Variants in ZFTRAF1 observed in about 807,000 individuals in gnomAD.
ZFTRAF1 encodes zinc finger TRAF-type-containing protein 1.
the ZFTRAF1 span, chr8:144,450,277 A>AAAGTGATC: frequency 1.6e-6 from 1 of 636,302 alleles, no homozygotes; most frequent in South Asian, 1.7e-5. Context: ...CTCCTTTGCT[A>AAAGTGATC]AAGTGATCAG....
the ZFTRAF1 span, chr8:144,450,365 C>T: frequency 1.4e-6 from 1 of 709,222 alleles, no homozygotes; most frequent in East Asian, 2.7e-5. Flanking sequence ...CCTCGGACAT[C>T]CTGAGGCCCC....
At chr8:144,462,367 G>T in the ZFTRAF1 span, 1 of 478,728 alleles carries the variant, frequency 2.1e-6, no homozygotes, top group East Asian at 3.8e-5. Flanking sequence ...TCCCGCTGCC[G>T]GCCGCCGCCG....
chr8:144,453,515 C>T, the ZFTRAF1 span: 8 of 1,430,244 alleles, frequency 5.6e-6, no homozygotes, highest in South Asian at 1.1e-4. Context: ...CATGCTCGCA[C>T]ACACCCGCCC....
the ZFTRAF1 span, among the ~76,000 whole-genome samples, chr8:144,459,906 A>C: frequency 6.6e-6 from 1 of 152,236 alleles, no homozygotes; most frequent in Non-Finnish European, 1.5e-5. Context: ...GGCTCGAGAC[A>C]GCCAATCAAC....
the ZFTRAF1 span, chr8:144,462,265 G>A: frequency 1.8e-6 from 1 of 557,898 alleles, no homozygotes; most frequent in Non-Finnish European, 3.2e-6. Context: ...CCGGGTCGGG[G>A]TCGGCCGGCG....
chr8:144,451,592 G>C, the ZFTRAF1 span: 2 of 153,874 alleles, frequency 1.3e-5, no homozygotes, highest in African/African-American at 4.8e-5. Context: ...CACCCTGCTT[G>C]CGCCACGCCT....
At chr8:144,461,516 T>C in the ZFTRAF1 span, among the ~76,000 whole-genome samples, 2 of 150,936 alleles carry the variant, frequency 1.3e-5, no homozygotes, top group Non-Finnish European at 2.9e-5. Context: ...GATGTGAAGA[T>C]GGGGGAGGAG....
At chr8:144,460,249 G>A in the ZFTRAF1 span, among the ~76,000 whole-genome samples, 1 of 152,220 alleles carries the variant, frequency 6.6e-6, no homozygotes, top group African/African-American at 2.4e-5. Context: ...CCACCAGCCA[G>A]GGCAGCCCCA....
the ZFTRAF1 span, chr8:144,454,166 A>G: frequency 6.6e-6 from 1 of 152,042 alleles, no homozygotes; most frequent in Non-Finnish European, 1.5e-5. Flanking sequence ...GGAGCAGGGC[A>G]CCTCCCGCTG....
chr8:144,461,460 C>G, the ZFTRAF1 span, among the ~76,000 whole-genome samples: 4 of 152,182 alleles, frequency 2.6e-5, no homozygotes, highest in Admixed American at 2.6e-4. Context: ...GGCCAGGTAC[C>G]CTAACAGCCC....
At chr8:144,453,507 T>C in the ZFTRAF1 span, 8 of 1,473,180 alleles carry the variant, frequency 5.4e-6, no homozygotes, top group Non-Finnish European at 6.4e-6. Flanking sequence ...TGCGGGCTCA[T>C]GCTCGCACAC....
chr8:144,458,213 C>A, the ZFTRAF1 span, among the ~76,000 whole-genome samples: 1 of 152,386 alleles, frequency 6.6e-6, no homozygotes, highest in African/African-American at 2.4e-5. Flanking sequence ...AAGTCCCTCA[C>A]CTGCTACTGC....
At chr8:144,450,040 G>A in the ZFTRAF1 span, 51 of 337,194 alleles carry the variant, frequency 1.5e-4, no homozygotes, top group Non-Finnish European at 2.2e-5. Flanking sequence ...CAGCACCGCC[G>A]CCTGACTGCA....
the ZFTRAF1 span, among the ~76,000 whole-genome samples, chr8:144,460,311 G>A: frequency 1.3e-5 from 2 of 152,382 alleles, no homozygotes; most frequent in South Asian, 4.1e-4. Context: ...TGGCCGCCCA[G>A]AGCAGAACTC....
At chr8:144,452,324 C>T in the ZFTRAF1 span, 3 of 1,542,580 alleles carry the variant, frequency 1.9e-6, no homozygotes, top group South Asian at 3.6e-5. Context: ...CAACCCACAC[C>T]TGTGTGGCAT....
chr8:144,452,263 G>A, the ZFTRAF1 span: 3 of 1,354,648 alleles, frequency 2.2e-6, no homozygotes, highest in South Asian at 2.5e-5. Flanking sequence ...GGCGCTGTCA[G>A]TGCCCAGTGC....
the ZFTRAF1 span, among the ~76,000 whole-genome samples, chr8:144,458,382 T>C: frequency 6.6e-6 from 1 of 152,262 alleles, no homozygotes. Flanking sequence ...TCCTGTGTTT[T>C]AGATACCTAA....
At chr8:144,461,294 G>A in the ZFTRAF1 span, among the ~76,000 whole-genome samples, 3 of 152,350 alleles carry the variant, frequency 2.0e-5, no homozygotes, top group Admixed American at 6.5e-5. Context: ...TAAGTGTAAA[G>A]AAAGCTGACA....
chr8:144,451,063 C>T, the ZFTRAF1 span: 3 of 368,522 alleles, frequency 8.1e-6, no homozygotes, highest in East Asian at 8.5e-5. Flanking sequence ...TGGCCTCCCT[C>T]ACCGCCCCGA....
Sources: allele counts gnomAD v4.1 joint callset (sites outside exome capture counted in the v4.1 genomes callset), GRCh38; gene constraint gnomAD v4.1.1; transcripts MANE v1.5; gene names NCBI Gene and HGNC (gene_info 2026-07-23, HGNC 2026-07-21).